The following LHPP variants were observed in gnomAD, a reference collection of about 807,000 sequenced individuals.
LHPP encodes the protein phospholysine phosphohistidine inorganic pyrophosphate phosphatase, also known as hLHPP.
Under a neutral mutation model 30.3 loss-of-function variants are expected in LHPP, and 24 were observed. That is an observed-to-expected ratio of 0.79 (90% CI 0.57 to 1.11). The LOEUF (loss-of-function observed/expected upper bound fraction) is 1.11. LHPP is among the 50% of genes most tolerant of loss of function. The pLI, the probability that LHPP is intolerant of heterozygous loss-of-function variation, is 0.00. For synonymous variants in LHPP, 150 were observed against 157.1 expected (o/e 0.95, Z 0.34); for missense variants, 356 against 367.2 (o/e 0.97, Z 0.25).
At chr10:124,537,190 G>A (rs1955049155) in intron 6 of LHPP, among the ~76,000 whole-genome samples, 1 of 152,210 alleles carries the variant, frequency 6.6e-6, no homozygotes, top group African/African-American at 2.4e-5. Context: ...CCCCAGCACC[G>A]CTGCTGGCGG....
At position 124,596,583 on chromosome 10, in the gene LHPP, C is replaced by T. The variant is rs1948945476; in HGVS notation, c.717-16681C>T. Among the ~76,000 whole-genome samples the T allele has an allele frequency of 6.6e-6, 1 of 152,166 alleles. No individual in the cohort carries two copies. Among genetic ancestry groups the T allele is most frequent in the Non-Finnish European group, 1.5e-5 (1 of 68,024 alleles). On this transcript the variant is annotated intron_variant, in intron 6 of 6. Transcript: ENST00000368842. This position sits in a 1 kb window ranked among gnomAD's most constrained non-coding sequence, Gnocchi z 4.6. ...GAGAGCTGTGGAGGTAGCACAGCTG[C>T]ATCTCTAGGTTGGGGCCACTCTTTT...
intron 1 of LHPP, among the ~76,000 whole-genome samples, chr10:124,468,576 C>T (rs1400006167): frequency 6.6e-6 from 1 of 152,156 alleles, no homozygotes; most frequent in Non-Finnish European, 1.5e-5. Context: ...CCACGAGGAC[C>T]TTCTCAACTG....
rs1265951424 is a variant in LHPP at position 124,523,181 on chromosome 10, T to C, written c.716+5910T>C. On this transcript the variant is annotated intron_variant, in intron 6 of 6. Transcript: ENST00000368842. The surrounding 1 kb of genome is among the most constrained non-coding windows in gnomAD (Gnocchi z 4.2). ...GTTTACCCAAGGCTGGCAGATGTTT[T>C]ATAAGCCCCGAACGTTCTTGACAAA... 6.6e-6 allele frequency among the ~76,000 whole-genome samples: 1 copy of C among 152,252 alleles called. No individual in the cohort carries two copies. The highest frequency in any genetic ancestry group is 1.5e-5 in the Non-Finnish European group (1 of 68,042).
intron 1 of LHPP, 60 bp from the exon 2 acceptor site, chr10:124,484,079 C>T (rs1410248298): frequency 6.5e-7 from 1 of 1,539,922 alleles, no homozygotes; most frequent in African/African-American, 1.4e-5. Context: ...CGCGCAACCT[C>T]CTTCAGAGGC....
intron 6 of LHPP, among the ~76,000 whole-genome samples, chr10:124,551,257 C>A (rs910603986): frequency 6.6e-6 from 1 of 152,156 alleles, no homozygotes; most frequent in East Asian, 1.9e-4. Context: ...CAGAGAGGCC[C>A]GATCCCATCC....
At chr10:124,463,216 T>C (rs1476841304) in intron 1 of LHPP, among the ~76,000 whole-genome samples, 1 of 84,832 alleles carries the variant, frequency 1.2e-5, no homozygotes, top group Non-Finnish European at 2.7e-5. Context: ...TGAAATTAAG[T>C]ATACCTTTTT....
intron 6 of LHPP, chr10:124,554,210 G>GA: frequency 2.9e-6 from 1 of 346,586 alleles, no homozygotes; most frequent in Non-Finnish European, 4.1e-6. Context: ...TTTATTGACA[G>GA]GGTCTTGCTC....
chr10:124,611,129 C>T (rs1949192263), intron 6 of LHPP, among the ~76,000 whole-genome samples: 1 of 151,788 alleles, frequency 6.6e-6, no homozygotes, highest in Non-Finnish European at 1.5e-5. Context: ...AGCAGAGTGG[C>T]CGTGCTTGGG....
At chr10:124,546,804 G>C (rs7908115) in intron 6 of LHPP, among the ~76,000 whole-genome samples, 68,004 of 151,958 alleles carry the variant, frequency 0.45, 15,571 homozygotes, top group African/African-American at 0.5. Context: ...GCATGCTTCG[G>C]TTGCTGTTTG....
intron 6 of LHPP, among the ~76,000 whole-genome samples, chr10:124,587,565 C>G (rs1948820515): frequency 6.6e-6 from 1 of 151,320 alleles, no homozygotes; most frequent in Non-Finnish European, 1.5e-5. Flanking sequence ...CACGGGGAAA[C>G]CCCGTCTCTA....
intron 6 of LHPP, among the ~76,000 whole-genome samples, chr10:124,572,371 C>G (rs1164246115): frequency 6.6e-6 from 1 of 152,028 alleles, no homozygotes; most frequent in Admixed American, 6.6e-5. Context: ...TGGCTCACGC[C>G]TGTAATCCCA....
Position 124,497,082 on chromosome 10 carries a change from T to C in LHPP, c.531+58T>C, listed in dbSNP as rs534703766. The C allele has an allele frequency of 4.3e-6, 6 of 1,401,470 alleles. No homozygotes were observed. In the East Asian group the frequency reaches 1.4e-4, roughly 32 times the overall value. The allele number at this position is 1,401,470 out of a possible 1,614,324, so 86.8% of individuals were successfully genotyped here. ...CAGACCTCAGGGCACCTGGGACTTT[T>C]TGGGTCTTTGTTGAGAAGAGGCTGT... On this transcript the variant is annotated intron_variant, in intron 4 of 6. Transcript: ENST00000368842.
chr10:124,520,209 G>A (rs1954576207), intron 6 of LHPP, among the ~76,000 whole-genome samples: 2 of 152,058 alleles, frequency 1.3e-5, no homozygotes, highest in Non-Finnish European at 1.5e-5. Flanking sequence ...GTATCATGGG[G>A]GTTTATTGTA....
At chr10:124,514,292 A>G (rs184445919) in intron 5 of LHPP, among the ~76,000 whole-genome samples, 72 of 152,232 alleles carry the variant, frequency 4.7e-4, no homozygotes, top group African/African-American at 1.7e-3. Context: ...CCCACAAGGT[A>G]ATTTTCTGGT....
At position 124,497,673 on chromosome 10, in the gene LHPP, G is replaced by A. The variant is rs538006897; in HGVS notation, c.532-363G>A. Among the ~76,000 whole-genome samples, 12 of 152,348 alleles carry A rather than the reference G, an allele frequency of 7.9e-5. 1 individual carries two copies. Among genetic ancestry groups the A allele is most frequent in the African/African-American group, 2.4e-4 (10 of 41,586 alleles). On this transcript the variant is annotated intron_variant, in intron 4 of 6. Transcript: ENST00000368842. ...CAGATGGAGCCCTGTGATGAGCTGC[G>A]AGTGGGCAGGGGAGAAGAGGGGGAG...
chr10:124,462,130 G>A, intron 1 of LHPP, 143 bp downstream of exon 1: 6 of 782,976 alleles, frequency 7.7e-6, no homozygotes, highest in Non-Finnish European at 6.6e-6. Flanking sequence ...CCCGGTGCGC[G>A]CACAGTGCTG....
At chr10:124,547,996 T>C (rs1955394824) in intron 6 of LHPP, among the ~76,000 whole-genome samples, 1 of 152,226 alleles carries the variant, frequency 6.6e-6, no homozygotes, top group African/African-American at 2.4e-5. Context: ...CTGGTGAGCC[T>C]GGGCCGGGGT....
rs987945273 is a variant in LHPP at position 124,596,630 on chromosome 10, G to A, written c.717-16634G>A. Among the ~76,000 whole-genome samples the A allele has an allele frequency of 9.2e-5, 14 of 152,162 alleles. No individual in the cohort carries two copies. The highest frequency in any genetic ancestry group is 2.9e-4 in the African/African-American group (12 of 41,432). On this transcript the variant is annotated intron_variant, in intron 6 of 6. Coordinates refer to ENST00000368842, the MANE Select transcript of LHPP (RefSeq NM_022126.4). The surrounding 1 kb of genome is among the most constrained non-coding windows in gnomAD (Gnocchi z 4.6). ...TTTTCTTGGAACAAGAGCCCTAAAC[G>A]TGGGACCCTAAACAACACCCAGGGA...
At position 124,501,601 on chromosome 10, in the gene LHPP, TAAAA is replaced by T. The variant is rs1046422221; in HGVS notation, c.624+3490_624+3493del. On this transcript the variant is annotated intron_variant, in intron 5 of 6. Transcript: ENST00000368842. ...TGGGCGACAGAGCCAGACTCTGTCT[TAAAA>T]AAAAAAAAAAAAAAAAGAAAAATAT... 1.4e-4 allele frequency among the ~76,000 whole-genome samples: 16 copies of T among 116,412 alleles called. No individual in the cohort carries two copies. The South Asian group carries it at 2.2e-3, about 16-fold the overall frequency. The allele number at this position is 116,412 out of a possible 152,430, so 76.4% of individuals were successfully genotyped here. A position where few individuals can be genotyped will look rare whatever the true frequency, so the allele number is the denominator to read the frequency against.
Sources: gnomAD v4.1 joint callset for allele counts (sites outside exome capture counted in the v4.1 genomes callset) on GRCh38, gnomAD v4.1.1 for gene constraint, Gnocchi (gnomAD v3.1) non-coding constraint, MANE v1.5 for transcripts, NCBI Gene and HGNC (gene_info 2026-07-23, HGNC 2026-07-21) for gene names.